Variants in EXOC6 observed in about 807,000 individuals in gnomAD.
EXOC6 encodes the protein SEC15-like 1.
A neutral mutation model predicts 112.5 loss-of-function variants in EXOC6; 60 were observed. That is an observed-to-expected ratio of 0.53 (90% CI 0.43 to 0.66). The LOEUF is 0.66. EXOC6 is among the 30% of genes least tolerant of loss of function. The probability of loss-of-function intolerance (pLI) is 0.00; values close to 1 mark genes in which losing one functional copy is unlikely to be tolerated. For missense variants in EXOC6, 855 were observed against 957.1 expected (o/e 0.89, Z 1.41); for synonymous variants, 295 against 308.0 (o/e 0.96, Z 0.44).
chr10:93,011,569 G>C lies in EXOC6; in HGVS notation c.2096-2625G>C, dbSNP rs980787624. Among the ~76,000 whole-genome samples the C allele has an allele frequency of 2.0e-5, 3 of 152,140 alleles. No individual in the cohort carries two copies. The South Asian group carries it at 6.2e-4, about 32-fold the overall frequency. The stretch of plus-strand genomic sequence containing the variant: ...GAGCCACCATGCCCAGCCAAAAAAA[G>C]TATTTTTTTAAAGTTAGAAAACACC... On this transcript the variant is annotated intron_variant, in intron 19 of 21. Transcript: ENST00000260762.
chr10:92,911,011 GATAA>G (rs780066120), intron 6 of EXOC6, among the ~76,000 whole-genome samples: 9 of 52,828 alleles, frequency 1.7e-4, no homozygotes, highest in Non-Finnish European at 2.9e-4. Context: ...ATTAGTGGAA[GATAA>G]ATGATGGGAG....
At chr10:93,002,804 C>T (rs1843815874) in intron 19 of EXOC6, among the ~76,000 whole-genome samples, 1 of 152,136 alleles carries the variant, frequency 6.6e-6, no homozygotes, top group African/African-American at 2.4e-5. Context: ...ATTACCCTTT[C>T]AAATAAGAAA....
intron 20 of EXOC6, among the ~76,000 whole-genome samples, chr10:93,054,544 A>T (rs1245622314): frequency 6.6e-6 from 1 of 152,272 alleles, no homozygotes; most frequent in Non-Finnish European, 1.5e-5. Context: ...GGATTTGCAC[A>T]TAAGAGATTT....
chr10:92,943,045 G>A (rs554627055), intron 13 of EXOC6, among the ~76,000 whole-genome samples: 26 of 147,418 alleles, frequency 1.8e-4, no homozygotes, highest in Non-Finnish European at 3.1e-4. Context: ...TTTTTGAGAC[G>A]GAGTCTTGCA....
At chr10:92,931,115 GAAAAAAAAAAAAAA>G (rs60087746) in intron 9 of EXOC6, among the ~76,000 whole-genome samples, 1 of 70,612 alleles carries the variant, frequency 1.4e-5, no homozygotes, top group African/African-American at 5.1e-5. Context: ...CATCTCAGAA[GAAAAAAAAAAAAAA>G]AAAAAAAAAA....
intron 1 of EXOC6, among the ~76,000 whole-genome samples, chr10:92,881,490 A>G (rs1474841567): frequency 6.6e-6 from 1 of 152,182 alleles, no homozygotes; most frequent in Non-Finnish European, 1.5e-5. Flanking sequence ...TTTAAGGAAT[A>G]ATTGTGCTCT....
intron 18 of EXOC6, among the ~76,000 whole-genome samples, chr10:92,990,737 C>A (rs1333860059): frequency 6.6e-6 from 1 of 152,080 alleles, no homozygotes; most frequent in Non-Finnish European, 1.5e-5. Flanking sequence ...AGGTATTAAG[C>A]CCAGCATGCA....
At chr10:93,024,015 T>C (rs1265246337) in intron 20 of EXOC6, among the ~76,000 whole-genome samples, 1 of 152,216 alleles carries the variant, frequency 6.6e-6, no homozygotes. Flanking sequence ...AGAAGGTGTC[T>C]CTCACTTTCA....
intron 20 of EXOC6, among the ~76,000 whole-genome samples, chr10:93,019,400 A>G (rs1564915532): frequency 6.6e-6 from 1 of 152,250 alleles, no homozygotes; most frequent in Non-Finnish European, 1.5e-5. Context: ...ATTAGTTAAA[A>G]TATACTTATG....
rs1430242197 is a variant in EXOC6 at position 92,855,846 on chromosome 10, A to AT, written c.101+7219dup. On this transcript the variant is annotated intron_variant, in intron 1 of 21. Coordinates refer to ENST00000260762, the MANE Select transcript of EXOC6 (RefSeq NM_019053.6). ...AAAGAACCAACTCTCTGTTTTATTG[A>AT]TTTTTTTCTCTATTGTTTTTGTTTT... 8.0e-5 allele frequency among the ~76,000 whole-genome samples: 12 copies of AT among 149,498 alleles called. 1 individual carries two copies. The highest frequency in any genetic ancestry group is 2.5e-4 in the African/African-American group (10 of 40,652).
intron 18 of EXOC6, among the ~76,000 whole-genome samples, chr10:92,990,158 A>C (rs1203606174): frequency 3.3e-5 from 5 of 152,172 alleles, no homozygotes; most frequent in Admixed American, 1.3e-4. Flanking sequence ...TAATGTTATA[A>C]AACAGTTGAT....
At chr10:93,047,225 A>G (rs943584462) in intron 20 of EXOC6, among the ~76,000 whole-genome samples, 3 of 152,160 alleles carry the variant, frequency 2.0e-5, no homozygotes, top group Middle Eastern at 3.2e-3. Context: ...GGACAGGCGT[A>G]GTAATAGTAG....
chr10:92,848,435 C>T, upstream of EXOC6: 1 of 749,612 alleles, frequency 1.3e-6, no homozygotes, highest in Non-Finnish European at 1.7e-6. Context: ...GCCCGAGCGC[C>T]CCGCCCCCGC....
chr10:92,939,932 CT>C (rs1417846223), intron 12 of EXOC6, among the ~76,000 whole-genome samples: 1 of 152,070 alleles, frequency 6.6e-6, no homozygotes, highest in Non-Finnish European at 1.5e-5. Flanking sequence ...GTACGTTTGA[CT>C]TTGAAGGGAG....
intron 6 of EXOC6, among the ~76,000 whole-genome samples, chr10:92,912,553 A>C (rs1014516396): frequency 1.3e-5 from 2 of 152,176 alleles, no homozygotes; most frequent in African/African-American, 4.8e-5. Context: ...GTAATTCTTT[A>C]ACATAACATC....
intron 18 of EXOC6, among the ~76,000 whole-genome samples, chr10:92,986,110 G>C (rs1842995370): frequency 6.6e-6 from 1 of 152,046 alleles, no homozygotes; most frequent in South Asian, 2.1e-4. Flanking sequence ...ATTGTGAACT[G>C]TGATACTTTC....
chr10:92,985,713 T>C (rs968734917), intron 18 of EXOC6, among the ~76,000 whole-genome samples: 7 of 152,174 alleles, frequency 4.6e-5, no homozygotes, highest in African/African-American at 7.2e-5. Context: ...ATGTCCTCTT[T>C]TAGCTCTGCA....
intron 12 of EXOC6, 27 bp from the exon 13 acceptor site, chr10:92,940,700 C>G (rs376448848): frequency 4.1e-4 from 510 of 1,251,154 alleles, no homozygotes; most frequent in Admixed American, 5.4e-4. Flanking sequence ...ACTTGTTTAT[C>G]TGCTTTTTTT....
intron 1 of EXOC6, among the ~76,000 whole-genome samples, chr10:92,828,255 G>C (rs1474715377): frequency 1.3e-5 from 2 of 152,132 alleles, no homozygotes; most frequent in East Asian, 3.8e-4. Context: ...GGACAATTTT[G>C]AATAGAGCTA....
Sources: gnomAD v4.1 joint callset for allele counts (sites outside exome capture counted in the v4.1 genomes callset) on GRCh38, gnomAD v4.1.1 for gene constraint, MANE v1.5 for transcripts, NCBI Gene and HGNC (gene_info 2026-07-23, HGNC 2026-07-21) for gene names.